The following DLG2 variants were observed in gnomAD, a reference collection of about 807,000 sequenced individuals.
DLG2 encodes the protein disks large homolog 2.
Under a neutral mutation model 132.5 loss-of-function variants are expected in DLG2, and 45 were observed. The ratio of observed to expected loss-of-function variants is 0.34; its 90% CI spans 0.27 to 0.44. The LOEUF (loss-of-function observed/expected upper bound fraction) is 0.44. Among genes scored for constraint, DLG2 ranks in the 20% least tolerant of loss-of-function variants. The probability of loss-of-function intolerance (pLI) is 1.00; values close to 1 mark genes in which losing one functional copy is unlikely to be tolerated. For synonymous variants in DLG2, 424 were observed against 419.6 expected (o/e 1.01, Z -0.13); for missense variants, 1,045 against 1,196.9 (o/e 0.87, Z 1.87).
chr11:84,774,307 T>C (rs1320662296), intron 6 of DLG2, among the ~76,000 whole-genome samples: 3 of 152,084 alleles, frequency 2.0e-5, no homozygotes, highest in East Asian at 3.9e-4. Flanking sequence ...CAAAAACGAA[T>C]GGAATAATCT....
intron 6 of DLG2, among the ~76,000 whole-genome samples, chr11:84,938,807 G>A (rs886344976): frequency 3.3e-5 from 5 of 152,156 alleles, no homozygotes; most frequent in Non-Finnish European, 5.9e-5. Context: ...GTTATTAGGG[G>A]AAATGCTTCA....
chr11:84,968,764 C>T (rs1416902278), intron 6 of DLG2, among the ~76,000 whole-genome samples: 1 of 151,984 alleles, frequency 6.6e-6, no homozygotes, highest in South Asian at 2.1e-4. Flanking sequence ...AGGGAGAGGG[C>T]AATTTTGTGA....
At chr11:84,438,301 C>T (rs146955219) in intron 7 of DLG2, among the ~76,000 whole-genome samples, 1 of 152,216 alleles carries the variant, frequency 6.6e-6, no homozygotes, top group East Asian at 1.9e-4. Context: ...GATGAAGTCT[C>T]CTCCCAAATG....
At chr11:84,786,180 G>A (rs996730690) in intron 6 of DLG2, among the ~76,000 whole-genome samples, 9 of 151,998 alleles carry the variant, frequency 5.9e-5, no homozygotes, top group African/African-American at 2.2e-4. Flanking sequence ...AAGAAGTTTG[G>A]TTTTTATCCC....
intron 10 of DLG2, among the ~76,000 whole-genome samples, chr11:84,060,476 T>C (rs1415220039): frequency 6.6e-6 from 1 of 151,862 alleles, no homozygotes; most frequent in Non-Finnish European, 1.5e-5. Flanking sequence ...CAGATAATCC[T>C]GTTCCTAGGT....
chr11:83,665,734 T>C (rs1199645687), intron 18 of DLG2, among the ~76,000 whole-genome samples: 1 of 152,124 alleles, frequency 6.6e-6, no homozygotes, highest in Non-Finnish European at 1.5e-5. Context: ...TGTCAACCAC[T>C]AGGCAACTCG....
At position 83,797,181 on chromosome 11, in the gene DLG2, T is replaced by C. The variant is rs148452884; in HGVS notation, c.1723-10389A>G. 2.7e-3 allele frequency among the ~76,000 whole-genome samples: 410 copies of C among 151,680 alleles called. 3 individuals carry two copies. Among genetic ancestry groups the C allele is most frequent in the Middle Eastern group, 0.01 (3 of 294 alleles). On this transcript the variant is annotated intron_variant, in intron 17 of 27. Transcript: ENST00000376104. ...GAAGCAGTTGTTACTGAAGGGTAGATACGGGAGGAACAAATGTGAGAAAGA... is the reference window on the plus strand; with the variant it reads ...GAAGCAGTTGTTACTGAAGGGTAGACACGGGAGGAACAAATGTGAGAAAGA...
rs183662098 is a variant in DLG2, at chr11:84,118,050, T to A, written c.625-19003A>T. Among the ~76,000 whole-genome samples the A allele has an allele frequency of 3.0e-3, 454 of 151,980 alleles. 3 individuals are homozygous for A. Among genetic ancestry groups the A allele is most frequent in the African/African-American group, 0.01 (432 of 41,422 alleles). ...TTTTGTATTTTTAGTAGAGACGGGG[T>A]TTCACCATGTTGGCCAGGCTGGTCT... On this transcript the variant is annotated intron_variant, in intron 9 of 27. Coordinates refer to ENST00000376104, the MANE Select transcript of DLG2 (RefSeq NM_001142699.3).
chr11:84,686,731 A>G (rs1318134152), intron 6 of DLG2: 2 of 151,644 alleles, frequency 1.3e-5, no homozygotes, highest in African/African-American at 4.9e-5. Context: ...TGACTGCCTA[A>G]CACTCATAAA....
chr11:84,480,857 G>A (rs2099135390), intron 7 of DLG2, among the ~76,000 whole-genome samples: 1 of 150,608 alleles, frequency 6.6e-6, no homozygotes. Context: ...TCCTGTCTCA[G>A]CCTCCTGAGT....
At chr11:84,766,283 G>T (rs2068402500) in intron 6 of DLG2, among the ~76,000 whole-genome samples, 1 of 152,036 alleles carries the variant, frequency 6.6e-6, no homozygotes, top group Admixed American at 6.6e-5. Flanking sequence ...CATCCAAGGT[G>T]CATTTCTATG....
intron 18 of DLG2, among the ~76,000 whole-genome samples, chr11:83,736,754 G>C (rs946322385): frequency 4.6e-5 from 7 of 152,074 alleles, no homozygotes; most frequent in Non-Finnish European, 1.0e-4. Flanking sequence ...GAAAAAAAAA[G>C]CATCCAAACT....
At chr11:84,529,396 C>G (rs181416344) in intron 7 of DLG2, among the ~76,000 whole-genome samples, 1 of 152,054 alleles carries the variant, frequency 6.6e-6, no homozygotes, top group African/African-American at 2.4e-5. Flanking sequence ...TAGAAAACCC[C>G]TTAGTCTCTA....
intron 15 of DLG2, among the ~76,000 whole-genome samples, chr11:83,879,631 T>A (rs570723750): frequency 6.6e-6 from 1 of 152,184 alleles, no homozygotes; most frequent in African/African-American, 2.4e-5. Context: ...CGTCATCACC[T>A]TCCCACATGA....
intron 2 of DLG2, among the ~76,000 whole-genome samples, chr11:85,608,545 T>C (rs2080756215): frequency 6.6e-6 from 1 of 152,172 alleles, no homozygotes; most frequent in Non-Finnish European, 1.5e-5. Context: ...ATCTTTCAGC[T>C]TACCCTCATA....
intron 7 of DLG2, among the ~76,000 whole-genome samples, chr11:84,312,087 T>C (rs1333123398): frequency 6.6e-6 from 1 of 152,234 alleles, no homozygotes; most frequent in African/African-American, 2.4e-5. Flanking sequence ...ATTGAGCATC[T>C]ACCATATGAA....
intron 6 of DLG2, among the ~76,000 whole-genome samples, chr11:84,698,732 C>A (rs1217115046): frequency 2.0e-5 from 3 of 151,496 alleles, no homozygotes; most frequent in Non-Finnish European, 3.0e-5. Flanking sequence ...TTTACATATA[C>A]ATTGCTTTAA....
At chr11:84,794,718 G>A (rs1385799266) in intron 6 of DLG2, among the ~76,000 whole-genome samples, 4 of 152,222 alleles carry the variant, frequency 2.6e-5, no homozygotes, top group Non-Finnish European at 5.9e-5. Flanking sequence ...GATTTCAGAG[G>A]AAAATTGAGG....
intron 7 of DLG2, among the ~76,000 whole-genome samples, chr11:84,261,905 G>A (rs749532950): frequency 6.6e-6 from 1 of 152,162 alleles, no homozygotes; most frequent in Non-Finnish European, 1.5e-5. Flanking sequence ...CTCTGGTGAT[G>A]AGCTCTTATA....
Sources: gnomAD v4.1 joint callset for allele counts (sites outside exome capture counted in the v4.1 genomes callset) on GRCh38, gnomAD v4.1.1 for gene constraint, MANE v1.5 for transcripts, NCBI Gene and HGNC (gene_info 2026-07-23, HGNC 2026-07-21) for gene names.